The following PCDHA6 variants were observed in gnomAD, a reference collection of about 807,000 sequenced individuals.
PCDHA6 encodes protocadherin alpha 6, also known as protocadherin alpha-6.
In PCDHA6, 55 loss-of-function variants were observed where a neutral mutation model predicts 60.3. That is an observed-to-expected ratio of 0.91 (90% CI 0.73 to 1.14). The LOEUF (loss-of-function observed/expected upper bound fraction) is 1.14, where lower values mean the gene tolerates loss of function less well. Ranked by LOEUF, PCDHA6 falls within the 50% of genes most tolerant of loss-of-function variation. The pLI is 0.00. For missense variants in PCDHA6, 1,327 were observed against 1,256.5 expected (o/e 1.06, Z -0.85); for synonymous variants, 652 against 557.9 (o/e 1.17, Z -2.38).
At chr5:140,963,195 T>TG (rs1323958663) in intron 1 of PCDHA6, among the ~76,000 whole-genome samples, 4 of 150,680 alleles carry the variant, frequency 2.7e-5, no homozygotes, top group Non-Finnish European at 5.9e-5. Flanking sequence ...ACTGTGAAAA[T>TG]GAAAAAAAAA....
intron 1 of PCDHA6, chr5:140,968,002 G>A: frequency 6.2e-7 from 1 of 1,614,208 alleles, no homozygotes; most frequent in South Asian, 1.1e-5. Flanking sequence ...CTTTCCGACT[G>A]AATGGCTTTG....
chr5:140,902,548 A>G (rs1554190491), intron 1 of PCDHA6, among the ~76,000 whole-genome samples: 1 of 152,028 alleles, frequency 6.6e-6, no homozygotes, highest in East Asian at 1.9e-4. Flanking sequence ...TTCCTTCTAT[A>G]CCCAGATTTT....
intron 3 of PCDHA6, 104 bp from the exon 4 acceptor site, chr5:141,009,523 G>A: frequency 6.7e-7 from 1 of 1,502,140 alleles, no homozygotes; most frequent in Non-Finnish European, 8.9e-7. Flanking sequence ...GATTTTTCTG[G>A]GGAGGTTCAG....
chr5:140,928,989 A>T (rs1554206541), intron 1 of PCDHA6: 1 of 1,613,824 alleles, frequency 6.2e-7, no homozygotes, highest in Non-Finnish European at 8.5e-7. Context: ...TGGGGTGCTT[A>T]CTTTTCTTCG....
intron 1 of PCDHA6, chr5:140,969,304 C>A (rs782271875): frequency 9.3e-6 from 15 of 1,614,042 alleles, no homozygotes; most frequent in African/African-American, 1.3e-5. Flanking sequence ...TGATTATTCT[C>A]AAAAATGAGG....
At chr5:140,870,507 A>C (rs782584168) in intron 1 of PCDHA6, 1 of 1,614,128 alleles carries the variant, frequency 6.2e-7, no homozygotes, top group Non-Finnish European at 8.5e-7. Context: ...AGAACAACCC[A>C]CCAGGCTGCC....
chr5:140,982,566 A>C lies in PCDHA6; in HGVS notation c.2542+3A>C. 1.2e-6 allele frequency: 2 copies of C among 1,614,088 alleles called. No individual in the cohort carries two copies. Among genetic ancestry groups the C allele is most frequent in the Non-Finnish European group, 1.7e-6 (2 of 1,179,950 alleles). ...AACAGTATCCAGTGCAACACCAGGT[A>C]AAGAGCTGGGGTCTCTCCATTCTTT... is the stretch of plus-strand genomic sequence containing the variant. On this transcript the variant is annotated splice_donor_region_variant and intron_variant, in intron 3 of 3. Transcript: ENST00000529310.
chr5:140,987,799 A>C (rs2097268880), intron 3 of PCDHA6, among the ~76,000 whole-genome samples: 2 of 152,140 alleles, frequency 1.3e-5, no homozygotes, highest in South Asian at 4.1e-4. Flanking sequence ...GATTTTTTTA[A>C]AGTGCCTGTC....
At chr5:140,947,234 AAAAAT>A (rs1164220377) in intron 1 of PCDHA6, among the ~76,000 whole-genome samples, 3 of 151,602 alleles carry the variant, frequency 2.0e-5, no homozygotes, top group Non-Finnish European at 3.0e-5. Flanking sequence ...GACAGGAAAA[AAAAAT>A]AAGATAATCC....
chr5:140,995,285 C>G (rs1179283452), intron 3 of PCDHA6, among the ~76,000 whole-genome samples: 1 of 152,048 alleles, frequency 6.6e-6, no homozygotes, highest in African/African-American at 2.4e-5. Flanking sequence ...ACCAAAACAG[C>G]CAGTCGGATA....
Position 140,829,361 on chromosome 5 carries a change from G to C in PCDHA6, c.1270G>C (p.Val424Leu). 1 of 1,614,230 alleles carries C rather than the reference G, an allele frequency of 6.2e-7. No homozygotes were observed. Among genetic ancestry groups the C allele is most frequent in the Middle Eastern group, 1.7e-4 (1 of 6,060 alleles). Residue 424 changes from valine to leucine, a missense_variant, in exon 1 of 4, where the codon GTG becomes CTG. Coordinates refer to ENST00000529310, the MANE Select transcript of PCDHA6 (RefSeq NM_018909.4). ...DRESVSAYEL[V>L]VTARDGGSPS... ...CGAGAGCGTGTCGGCCTATGAGTTG[G>C]TGGTAACCGCGCGGGACGGGGGCTC...
rs1222255074 is a variant in PCDHA6 at position 141,012,119 on chromosome 5, A to G, written c.*2182A>G. ...CATTTTGCCCCACTGAAGCCCATGT[A>G]TCTGACCTTACGTGCCTTTTGAACT... On this transcript the variant is annotated 3_prime_UTR_variant, in exon 4 of 4. Coordinates refer to ENST00000529310, the MANE Select transcript of PCDHA6 (RefSeq NM_018909.4). 6.5e-6 allele frequency: 1 copy of G among 153,734 alleles called. No individual in the cohort carries two copies. Among genetic ancestry groups the G allele is most frequent in the African/African-American group, 2.4e-5 (1 of 41,454 alleles). 9.5% of individuals were successfully genotyped at this position (153,734 alleles called of 1,614,324 possible). A position where few individuals can be genotyped will look rare whatever the true frequency, so the allele number is the denominator to read the frequency against.
At chr5:140,954,864 G>A (rs2095103058) in intron 1 of PCDHA6, among the ~76,000 whole-genome samples, 1 of 152,074 alleles carries the variant, frequency 6.6e-6, no homozygotes, top group Admixed American at 6.5e-5. Context: ...TGTCCTGAAT[G>A]GTATTGCCTA....
chr5:140,982,604 A>G, intron 3 of PCDHA6, 41 bp downstream of exon 3: 1 of 1,607,164 alleles, frequency 6.2e-7, no homozygotes, highest in Non-Finnish European at 8.5e-7. Context: ...TGGTTTCTGG[A>G]AAGTGATCAG....
rs1554132360 is a variant in PCDHA6, at chr5:140,829,891, C to T, written c.1800C>T (p.Asp600=). The change falls in exon 1 of 4, where the codon GAC becomes GAT. Residue 600 remains aspartate (D), a synonymous_variant. Transcript: ENST00000529310. ...VVAKVRAVDA[D]SGYNAWLSYE... ...CGAAGGTGCGCGCAGTTGACGCCGACTCAGGCTACAACGCGTGGCTTTCGT... is the reference window on the plus strand; with the variant it reads ...CGAAGGTGCGCGCAGTTGACGCCGATTCAGGCTACAACGCGTGGCTTTCGT... 3.7e-6 allele frequency: 6 copies of T among 1,613,952 alleles called. No homozygotes were observed. The highest frequency in any genetic ancestry group is 1.7e-5 in the Admixed American group (1 of 60,014).
intron 1 of PCDHA6, among the ~76,000 whole-genome samples, chr5:140,974,165 G>T (rs1298109600): frequency 6.6e-6 from 1 of 152,164 alleles, no homozygotes; most frequent in Non-Finnish European, 1.5e-5. Flanking sequence ...TTTCTTTCAA[G>T]AATTTTAACT....
chr5:140,834,564 C>T (rs2150221113), intron 1 of PCDHA6: 12 of 1,613,972 alleles, frequency 7.4e-6, no homozygotes, highest in African/African-American at 2.7e-5. Flanking sequence ...GGAGCTGGTG[C>T]CGCGCCTGTT....
chr5:140,896,090 C>CA (rs2065374359), intron 1 of PCDHA6, among the ~76,000 whole-genome samples: 1 of 152,152 alleles, frequency 6.6e-6, no homozygotes, highest in Non-Finnish European at 1.5e-5. Flanking sequence ...GGATTACAGG[C>CA]GTGAGCCACT....
rs370989006 is a variant in PCDHA6, at chr5:141,009,739, C to G, written c.2655C>G (p.Pro885=). The G allele has an allele frequency of 1.2e-6, 2 of 1,614,010 alleles. No homozygotes were observed. Among genetic ancestry groups the G allele is most frequent in the Non-Finnish European group, 8.5e-7 (1 of 1,180,008 alleles). The change falls in exon 4 of 4, where the codon CCC becomes CCG. Residue 885 remains proline (P), a synonymous_variant. Transcript: ENST00000529310. ...AACAATCCGGTCCCGGTGAGTTGCCCGACAAATTCATTATCCCAGGATCTC... is the reference window on the plus strand; with the variant it reads ...AACAATCCGGTCCCGGTGAGTTGCCGGACAAATTCATTATCCCAGGATCTC... The part of the protein sequence containing the change: ...NPKQSGPGEL[P]DKFIIPGSPA...
Sources: gnomAD v4.1 joint callset for allele counts (sites outside exome capture counted in the v4.1 genomes callset) on GRCh38, gnomAD v4.1.1 for gene constraint, MANE v1.5 for transcripts, NCBI Gene and HGNC (gene_info 2026-07-23, HGNC 2026-07-21) for gene names.